The following DLG1 variants were observed in gnomAD, a reference collection of about 807,000 sequenced individuals.
The protein encoded by DLG1 is discs large MAGUK scaffold protein 1.
Under a neutral mutation model 123.4 loss-of-function variants are expected in DLG1, and 42 were observed. The observed-to-expected ratio is 0.34, with a 90% CI of 0.27 to 0.44. The LOEUF (loss-of-function observed/expected upper bound fraction) is 0.44. Ranked by LOEUF, DLG1 falls within the 20% of genes least tolerant of loss-of-function variation. DLG1 has a pLI of 1.00. For missense variants in DLG1, 942 were observed against 1,082.6 expected (o/e 0.87, Z 1.82); for synonymous variants, 317 against 356.2 (o/e 0.89, Z 1.24).
chr3:197,206,649 C>T (rs1458148479), intron 4 of DLG1, among the ~76,000 whole-genome samples: 2 of 151,998 alleles, frequency 1.3e-5, no homozygotes, highest in Non-Finnish European at 2.9e-5. Flanking sequence ...AATGGGGAAA[C>T]ACATCATTTG....
intron 5 of DLG1, among the ~76,000 whole-genome samples, chr3:197,189,279 T>C (rs1478977805): frequency 6.6e-6 from 1 of 152,230 alleles, no homozygotes; most frequent in African/African-American, 2.4e-5. Context: ...CATCAAATTA[T>C]GGTGCAAATA....
chr3:197,215,601 C>T (rs934919281), intron 4 of DLG1, among the ~76,000 whole-genome samples: 4 of 151,160 alleles, frequency 2.6e-5, no homozygotes, highest in Admixed American at 6.6e-5. Flanking sequence ...AACAGAGTTA[C>T]GAAAGAAAAA....
intron 20 of DLG1, among the ~76,000 whole-genome samples, chr3:197,066,295 CA>C (rs1224307135): frequency 6.6e-6 from 1 of 151,800 alleles, no homozygotes; most frequent in African/African-American, 2.4e-5. Flanking sequence ...TGAGAACTAA[CA>C]TTGTGATAGA....
chr3:197,205,548 CA>C (rs1378702061), intron 4 of DLG1, among the ~76,000 whole-genome samples: 1 of 151,962 alleles, frequency 6.6e-6, no homozygotes, highest in Non-Finnish European at 1.5e-5. Context: ...TAATGAATAC[CA>C]AATACTCAAC....
At chr3:197,263,115 T>G (rs1431612023) in intron 4 of DLG1, among the ~76,000 whole-genome samples, 1 of 152,216 alleles carries the variant, frequency 6.6e-6, no homozygotes, top group Non-Finnish European at 1.5e-5. Context: ...AAGTACTGAC[T>G]AGGCATTGCA....
chr3:197,179,550 T>C (rs1389718577), intron 5 of DLG1, among the ~76,000 whole-genome samples: 1 of 152,198 alleles, frequency 6.6e-6, no homozygotes, highest in Admixed American at 6.5e-5. Context: ...GGTGCAATAA[T>C]TCCTAATAAT....
intron 11 of DLG1, among the ~76,000 whole-genome samples, chr3:197,123,150 T>A (rs1777298466): frequency 1.3e-5 from 2 of 152,018 alleles, no homozygotes; most frequent in African/African-American, 2.4e-5. Flanking sequence ...AAAAATTAGA[T>A]CAAAATGGAT....
chr3:197,205,849 C>G (rs754331995), intron 4 of DLG1, among the ~76,000 whole-genome samples: 20 of 152,272 alleles, frequency 1.3e-4, no homozygotes, highest in Non-Finnish European at 2.5e-4. Context: ...TTTCTGGGGA[C>G]TGTCTATATA....
At chr3:197,271,638 T>A (rs1560097734) in intron 4 of DLG1, among the ~76,000 whole-genome samples, 1 of 152,182 alleles carries the variant, frequency 6.6e-6, no homozygotes, top group African/African-American at 2.4e-5. Flanking sequence ...TTTATCTGAT[T>A]TTTTTCAAGT....
chr3:197,266,822 C>T (rs406284), intron 4 of DLG1, among the ~76,000 whole-genome samples: 85,783 of 151,828 alleles, frequency 0.57, 24,777 homozygotes, highest in East Asian at 0.79. Context: ...CAGTGAACTG[C>T]AGACAAAGTC....
chr3:197,266,809 T>C (rs1245900401), intron 4 of DLG1, among the ~76,000 whole-genome samples: 1 of 152,022 alleles, frequency 6.6e-6, no homozygotes, highest in East Asian at 1.9e-4. Context: ...AGATTAATCA[T>C]ATCAGTGAAC....
intron 24 of DLG1, among the ~76,000 whole-genome samples, chr3:197,048,056 A>C (rs1429697101): frequency 1.3e-5 from 2 of 152,242 alleles, no homozygotes; most frequent in Non-Finnish European, 2.9e-5. Context: ...CAAAATACCA[A>C]ATAATCCATT....
intron 4 of DLG1, among the ~76,000 whole-genome samples, chr3:197,236,384 A>T (rs566475134): frequency 4.6e-5 from 7 of 152,320 alleles, no homozygotes; most frequent in Admixed American, 1.3e-4. Flanking sequence ...TCATCACCAG[A>T]AGAAATGCAT....
intron 4 of DLG1, among the ~76,000 whole-genome samples, chr3:197,254,001 A>G (rs955332814): frequency 3.3e-5 from 5 of 152,194 alleles, no homozygotes; most frequent in African/African-American, 1.2e-4. Flanking sequence ...CTTTTGTAAG[A>G]AGGCAGACAC....
At chr3:197,125,204 G>C (rs1778405476) in intron 11 of DLG1, among the ~76,000 whole-genome samples, 1 of 152,146 alleles carries the variant, frequency 6.6e-6, no homozygotes, top group Non-Finnish European at 1.5e-5. Context: ...GCAAGTGAAG[G>C]TTTGAGGGGA....
At chr3:197,227,346 G>C (rs1254452278) in intron 4 of DLG1, among the ~76,000 whole-genome samples, 1 of 151,944 alleles carries the variant, frequency 6.6e-6, no homozygotes, top group Non-Finnish European at 1.5e-5. Context: ...GTGGTGGTAC[G>C]CACCTGTAGT....
At chr3:197,204,379 A>C (rs1727461624) in intron 4 of DLG1, among the ~76,000 whole-genome samples, 1 of 152,252 alleles carries the variant, frequency 6.6e-6, no homozygotes, top group Non-Finnish European at 1.5e-5. Flanking sequence ...ACTTAGAGCC[A>C]CATCCAGACA....
chr3:197,043,302 C>A lies in DLG1; in HGVS notation c.*1321G>T, dbSNP rs1486426475. 3 of 151,998 alleles carry A rather than the reference C, an allele frequency of 2.0e-5. No homozygotes were observed. Among genetic ancestry groups the A allele is most frequent in the Non-Finnish European group, 2.9e-5 (2 of 68,000 alleles). The allele number at this position is 151,998 out of a possible 1,614,324, so 9.4% of individuals were successfully genotyped here. A position where few individuals can be genotyped will look rare whatever the true frequency, so the allele number is the denominator to read the frequency against. On this transcript the variant is annotated 3_prime_UTR_variant, in exon 25 of 25. Coordinates refer to ENST00000667157, the MANE Select transcript of DLG1 (RefSeq NM_001366207.1). ...GAGAACTAGAAGGAAAGGGCAAGGA[C>A]CAAAATCAAACCTGATGACAAGAAC...
chr3:197,108,686 G>T (rs1380148139), intron 13 of DLG1, among the ~76,000 whole-genome samples: 1 of 152,100 alleles, frequency 6.6e-6, no homozygotes, highest in Non-Finnish European at 1.5e-5. Flanking sequence ...GCCACAGTAG[G>T]TGTCTTTTGG....
Sources: gnomAD v4.1 joint callset for allele counts (sites outside exome capture counted in the v4.1 genomes callset) on GRCh38, gnomAD v4.1.1 for gene constraint, MANE v1.5 for transcripts, NCBI Gene and HGNC (gene_info 2026-07-23, HGNC 2026-07-21) for gene names.